The following C8A variants were observed in gnomAD, a reference collection of about 807,000 sequenced individuals.
The protein encoded by C8A is complement C8 alpha chain.
A neutral mutation model predicts 65.3 loss-of-function variants in C8A; 67 were observed. That is an observed-to-expected ratio of 1.03 (90% CI 0.84 to 1.26). The LOEUF is 1.26. Ranked by LOEUF, C8A falls within the 50% of genes most tolerant of loss-of-function variation. The pLI is 0.00. For missense variants in C8A, 781 were observed against 723.9 expected, an observed-to-expected ratio of 1.08 and a Z score of -0.90; for synonymous variants, 290 against 259.4, an observed-to-expected ratio of 1.12 and a Z score of -1.13.
chr1:56,881,395 A>T (rs1267210981), intron 4 of C8A, 50 bp from the exon 5 acceptor site: 1 of 1,590,308 alleles, frequency 6.3e-7, no homozygotes, highest in Non-Finnish European at 8.6e-7. Flanking sequence ...TCACCCAGGT[A>T]TAAAACCCAG....
chr1:56,869,837 C>T (rs907288936), intron 2 of C8A, among the ~76,000 whole-genome samples: 1 of 152,150 alleles, frequency 6.6e-6, no homozygotes, highest in Non-Finnish European at 1.5e-5. Flanking sequence ...TTTTCTCTCA[C>T]CTGAGTTCTT....
chr1:56,917,472 G>C, intron 10 of C8A, 93 bp from the exon 11 acceptor site: 1 of 1,349,482 alleles, frequency 7.4e-7, no homozygotes, highest in South Asian at 1.2e-5. Context: ...CTCTCCCAAG[G>C]GTGCCACACA....
chr1:56,866,139 A>G (rs972689794), intron 1 of C8A, among the ~76,000 whole-genome samples: 1 of 152,234 alleles, frequency 6.6e-6, no homozygotes, highest in Non-Finnish European at 1.5e-5. Context: ...TTTCAACTAC[A>G]TAACCATGTG....
In C8A at chr1:56,881,472, T is replaced by G. The variant is rs1256291277; in HGVS notation, c.492T>G (p.Ala164=). 1 of 1,613,682 alleles carries G rather than the reference T, an allele frequency of 6.2e-7. No homozygotes were observed. Among genetic ancestry groups the G allele is most frequent in the Middle Eastern group, 1.7e-4 (1 of 6,054 alleles). Residue 164 remains alanine, a synonymous_variant, in exon 5 of 11, where the codon GCT becomes GCG. Coordinates refer to ENST00000361249, the MANE Select transcript of C8A (RefSeq NM_000562.3). ...ACAATATCCTGACCCAGGAAGATGC[T>G]CAGAGTGTGTACGATGCCAGTTATT... ...LGYNILTQED[A]QSVYDASYYG... is the part of the protein sequence containing the mutation.
intron 7 of C8A, among the ~76,000 whole-genome samples, chr1:56,896,552 C>T (rs116040524): frequency 3.3e-5 from 5 of 152,228 alleles, no homozygotes; most frequent in South Asian, 2.1e-4. Flanking sequence ...GTCAGTCCTT[C>T]GACTGATTGC....
chr1:56,873,762 T>C (rs1644170632), intron 2 of C8A, among the ~76,000 whole-genome samples: 1 of 152,182 alleles, frequency 6.6e-6, no homozygotes, highest in Non-Finnish European at 1.5e-5. Flanking sequence ...GCTGCACGTT[T>C]CCTTGTCGGC....
At chr1:56,862,364 A>C (rs1644042691) in intron 1 of C8A, among the ~76,000 whole-genome samples, 1 of 152,232 alleles carries the variant, frequency 6.6e-6, no homozygotes, top group South Asian at 2.1e-4. Flanking sequence ...GATGATGCAT[A>C]CAAAAAGAAA....
intron 7 of C8A, among the ~76,000 whole-genome samples, chr1:56,901,106 G>A (rs1034406955): frequency 6.2e-4 from 94 of 152,064 alleles, no homozygotes; most frequent in African/African-American, 2.2e-3. Context: ...AAACACAAAG[G>A]GGACAGGTGA....
chr1:56,894,053 T>A (rs2101268791), intron 7 of C8A, among the ~76,000 whole-genome samples: 1 of 152,264 alleles, frequency 6.6e-6, no homozygotes, highest in African/African-American at 2.4e-5. Flanking sequence ...TGCTGTACAG[T>A]GTAGGTGTTA....
chr1:56,883,598 G>A lies in C8A; in HGVS notation c.772G>A (p.Gly258Ser), dbSNP rs145559867. 16 of 1,613,730 alleles carry A rather than the reference G, an allele frequency of 9.9e-6. 1 individual carries two copies. Among genetic ancestry groups the A allele is most frequent in the African/African-American group, 6.7e-5 (5 of 74,880 alleles). ...FGVTIGIGPA[G>S]SPLLVGVGVS... Reference sequence around the variant, plus strand: ...AGTGACCATCGGCATAGGCCCAGCCGGCAGCCCTTTATTGGTGGGTGTAGG... The same window carrying A: ...AGTGACCATCGGCATAGGCCCAGCCAGCAGCCCTTTATTGGTGGGTGTAGG... The change falls in exon 6 of 11, where the codon GGC (glycine) becomes AGC (serine). Residue 258 changes from glycine to serine, a missense_variant. By Grantham distance (56) the Gly-to-Ser change is moderately conservative. Transcript: ENST00000361249.
Position 56,878,408 on chromosome 1 carries a change from T to C in C8A, c.464+2199T>C, listed in dbSNP as rs543783082. Among the ~76,000 whole-genome samples, 233 of 152,332 alleles carry C rather than the reference T, an allele frequency of 1.5e-3. 1 individual carries two copies. The highest frequency in any genetic ancestry group is 2.1e-3 in the Non-Finnish European group (144 of 68,024). ...AATAGAAGTGTGAAATATTGACATG[T>C]TGAAATGAAAAATAATCCCTTCCTT... On this transcript the variant is annotated intron_variant, in intron 4 of 10. Transcript: ENST00000361249.
At chr1:56,862,132 G>A (rs1223241740) in intron 1 of C8A, among the ~76,000 whole-genome samples, 1 of 152,162 alleles carries the variant, frequency 6.6e-6, no homozygotes, top group Non-Finnish European at 1.5e-5. Flanking sequence ...CGTTGACAAG[G>A]TTAGAGTGAT....
intron 6 of C8A, among the ~76,000 whole-genome samples, chr1:56,885,365 T>C (rs1444822349): frequency 2.4e-5 from 2 of 83,364 alleles, no homozygotes; most frequent in East Asian, 8.8e-4. Flanking sequence ...TATGTAAATA[T>C]ATATTTATAT....
rs766402054 is a variant in C8A at position 56,906,688 on chromosome 1, C to T, written c.1118C>T (p.Thr373Met). The change falls in exon 8 of 11, where the codon ACG becomes ATG. Residue 373 changes from threonine (T) to methionine (M), a missense_variant. Coordinates refer to ENST00000361249, the MANE Select transcript of C8A (RefSeq NM_000562.3). ...GCAGGTATTACCAGCAGAGATATCA[C>T]GACATGTTTTGGAGGCTCCTTGGGC... ...ESLGITSRDI[T>M]TCFGGSLGIQ... is the part of the protein sequence containing the mutation. 7.7e-5 allele frequency: 125 copies of T among 1,613,826 alleles called. 1 individual carries two copies. The highest frequency in any genetic ancestry group is 1.8e-4 in the Admixed American group (11 of 59,994).
At position 56,906,877 on chromosome 1, in the gene C8A, C is replaced by T. The variant is rs1644470698; in HGVS notation, c.1222+85C>T. The T allele has an allele frequency of 6.5e-6, 10 of 1,534,138 alleles. No individual in the cohort carries two copies. The Admixed American group carries it at 1.5e-4, about 23-fold the overall frequency. ...CTGGGACATGGAAGCTATTTTTTTT[C>T]CCAGTTGATTGCATTTTAGTCAATG... On this transcript the variant is annotated intron_variant, in intron 8 of 10. Coordinates refer to ENST00000361249, the MANE Select transcript of C8A (RefSeq NM_000562.3).
In C8A at chr1:56,867,655, A is replaced by G. The variant is rs778721067; in HGVS notation, c.124A>G (p.Ser42Gly). The change falls in exon 2 of 11, where the codon AGC becomes GGC. Residue 42 changes from serine (S) to glycine (G), a missense_variant. Ser to Gly is a moderately conservative substitution (Grantham distance 56). Transcript: ENST00000361249. Reference sequence around the variant, plus strand: ...ACCCGCAGCAGTTACCTGCCAGCTGAGCAACTGGTCAGAGTGGACAGATTG... The same window carrying G: ...ACCCGCAGCAGTTACCTGCCAGCTGGGCAACTGGTCAGAGTGGACAGATTG... ...ATPAAVTCQL[S>G]NWSEWTDCFP... is the part of the protein sequence containing the mutation. The G allele has an allele frequency of 1.9e-6, 3 of 1,613,970 alleles. No individual in the cohort carries two copies. The South Asian group carries it at 3.3e-5, about 18-fold the overall frequency.
chr1:56,888,095 A>T (rs1644315378), intron 7 of C8A, among the ~76,000 whole-genome samples: 1 of 152,188 alleles, frequency 6.6e-6, no homozygotes, highest in South Asian at 2.1e-4. Flanking sequence ...ACAAACCTGC[A>T]CATTCTGCAC....
intron 2 of C8A, 133 bp downstream of exon 2, chr1:56,867,835 C>T (rs1340862924): frequency 1.4e-6 from 1 of 730,446 alleles, no homozygotes; most frequent in Non-Finnish European, 2.5e-6. Flanking sequence ...TGTTTGAAAT[C>T]CATTATACAT....
rs1643975449 is a variant in C8A, at chr1:56,856,380, ACCTGTTACCTATTAC to A, written c.77+1404_77+1418del. Among the ~76,000 whole-genome samples the A allele has an allele frequency of 2.6e-5, 4 of 152,142 alleles. No individual in the cohort carries two copies. In the South Asian group the frequency reaches 8.3e-4, roughly 31 times the overall value. ...AATGCATGAAAGTACTTAGATCAAT[ACCTGTTACCTATTAC>A]CTAGTAATCATTCAGTGAAAGCTGT... On this transcript the variant is annotated intron_variant, in intron 1 of 10. Transcript: ENST00000361249.
Sources: allele counts gnomAD v4.1 joint callset (sites outside exome capture counted in the v4.1 genomes callset), GRCh38; gene constraint gnomAD v4.1.1; transcripts MANE v1.5; gene names NCBI Gene and HGNC (gene_info 2026-07-23, HGNC 2026-07-21).